Variants in CRY2 observed in about 807,000 individuals in gnomAD.
CRY2 encodes the protein cryptochrome circadian regulator 2.
A neutral mutation model predicts 69.5 loss-of-function variants in CRY2; 31 were observed. The observed-to-expected ratio is 0.45, with a 90% CI of 0.34 to 0.60. CRY2 has a LOEUF of 0.60. CRY2 is among the 20% of genes least tolerant of loss of function. The pLI, the probability that CRY2 is intolerant of heterozygous loss-of-function variation, is 0.02. For missense variants in CRY2, 606 were observed against 797.8 expected (o/e 0.76, Z 2.90); for synonymous variants, 303 against 312.2 (o/e 0.97, Z 0.31).
intron 11 of CRY2, among the ~76,000 whole-genome samples, chr11:45,875,893 A>G (rs907424069): frequency 1.4e-4 from 22 of 152,232 alleles, no homozygotes; most frequent in African/African-American, 5.3e-4. Context: ...TGTAAAATGC[A>G]CTATGCAAAT....
Position 45,882,920 on chromosome 11 carries a change from A to G in CRY2, c.*2009A>G, listed in dbSNP as rs1029621881. 2.1e-4 allele frequency: 82 copies of G among 393,214 alleles called. No individual in the cohort carries two copies. Among genetic ancestry groups the G allele is most frequent in the African/African-American group, 1.6e-3 (76 of 48,526 alleles). The allele number at this position is 393,214 out of a possible 1,614,324, so 24.4% of individuals were successfully genotyped here. On this transcript the variant is annotated 3_prime_UTR_variant, in exon 12 of 12. Transcript: ENST00000616080. The stretch of plus-strand genomic sequence containing the variant: ...CTCCGCCTACTTCTCCACCATCCCT[A>G]GCATGTCAGCCCGTTCCCAGATCAA...
Position 45,883,193 on chromosome 11 carries a change from A to G in CRY2, c.*2282A>G, listed in dbSNP as rs1043746. The G allele has an allele frequency of 6.4e-6, 1 of 155,606 alleles. No homozygotes were observed. The highest frequency in any genetic ancestry group is 1.4e-5 in the Non-Finnish European group (1 of 70,152). 9.6% of individuals were successfully genotyped at this position (155,606 alleles called of 1,614,324 possible). On this transcript the variant is annotated 3_prime_UTR_variant, in exon 12 of 12. Transcript: ENST00000616080. ...ATTGCTGGGAAGGTGTGTTTCTCCCACAATTTGTTTGTGAATATTCACTTG... is the reference window on the plus strand; with the variant it reads ...ATTGCTGGGAAGGTGTGTTTCTCCCGCAATTTGTTTGTGAATATTCACTTG...
rs908992630 is a variant in CRY2, at chr11:45,881,380, G to A, written c.*469G>A. On this transcript the variant is annotated 3_prime_UTR_variant, in exon 12 of 12. Coordinates refer to ENST00000616080, the MANE Select transcript of CRY2 (RefSeq NM_021117.5). ...GCATGGGATTCTGGAGGCAGCCAGA[G>A]CCCTGCTGAGTTCCTGCTTTCTGAC... The A allele has an allele frequency of 2.0e-5, 3 of 152,710 alleles. No homozygotes were observed. The highest frequency in any genetic ancestry group is 2.0e-4 in the Admixed American group (3 of 15,290). The allele number at this position is 152,710 out of a possible 1,614,324, so 9.5% of individuals were successfully genotyped here.
chr11:45,864,570 C>T (rs996964177), intron 5 of CRY2, among the ~76,000 whole-genome samples: 2 of 151,628 alleles, frequency 1.3e-5, no homozygotes, highest in African/African-American at 4.9e-5. Context: ...TGCACTCCTG[C>T]CTGGGTGACA....
At chr11:45,853,752 T>C (rs888438727) in intron 1 of CRY2, among the ~76,000 whole-genome samples, 5 of 152,256 alleles carry the variant, frequency 3.3e-5, no homozygotes, top group Non-Finnish European at 2.9e-5. Flanking sequence ...CATGGATTTC[T>C]CTTCTTTTCC....
At chr11:45,863,008 T>A (rs2086300463) in intron 5 of CRY2, among the ~76,000 whole-genome samples, 1 of 152,210 alleles carries the variant, frequency 6.6e-6, no homozygotes, top group Admixed American at 6.5e-5. Flanking sequence ...AGCAGCCAGA[T>A]GATGACGATA....
At chr11:45,848,688 G>A (rs1368040900) in intron 1 of CRY2, among the ~76,000 whole-genome samples, 18 of 152,250 alleles carry the variant, frequency 1.2e-4, no homozygotes, top group Admixed American at 1.2e-3. Flanking sequence ...AGAACACCTA[G>A]TGGCAGTCGC....
rs746929230 is a variant in CRY2 at position 45,869,751 on chromosome 11, C to T, written c.1128C>T (p.Ala376=). The T allele has an allele frequency of 3.1e-6, 5 of 1,613,736 alleles. No individual in the cohort carries two copies. In the East Asian group the frequency reaches 1.1e-4, roughly 36 times the overall value. The change falls in exon 7 of 12, where the codon GCC becomes GCT. Residue 376 remains alanine (A), a synonymous_variant. Transcript: ENST00000616080. ...AGGAGGGCTGGATCCACCACCTGGCCCGGCATGCCGTGGCCTGCTTCCTGA... is the reference window on the plus strand; with the variant it reads ...AGGAGGGCTGGATCCACCACCTGGCTCGGCATGCCGTGGCCTGCTTCCTGA... ...LRQEGWIHHL[A]RHAVACFLTR...
chr11:45,860,921 C>A lies in CRY2; in HGVS notation c.541C>A (p.Leu181Met), dbSNP rs1283589425. Residue 181 changes from leucine (L) to methionine (M), a missense_variant, in exon 4 of 12, where the codon CTG becomes ATG. Transcript: ENST00000616080. ...TCAGGCCATCATCAGCCGCATGGAG[C>A]TGCCCAAGAAGCCAGTGGGCTTGGT... ...RFQAIISRME[L>M]PKKPVGLVTS... 1 of 1,614,168 alleles carries A rather than the reference C, an allele frequency of 6.2e-7. No homozygotes were observed. The highest frequency in any genetic ancestry group is 2.2e-5 in the East Asian group (1 of 44,878).
At chr11:45,857,258 C>T (rs1358787795) in intron 2 of CRY2, among the ~76,000 whole-genome samples, 1 of 152,182 alleles carries the variant, frequency 6.6e-6, no homozygotes, top group Non-Finnish European at 1.5e-5. Flanking sequence ...CTGAGTTCTT[C>T]CTCACAGCAG....
intron 3 of CRY2, among the ~76,000 whole-genome samples, chr11:45,859,419 A>C (rs1281819981): frequency 6.6e-6 from 1 of 152,072 alleles, no homozygotes; most frequent in Non-Finnish European, 1.5e-5. Flanking sequence ...TATATTAGCC[A>C]TGCATGGTGG....
intron 2 of CRY2, chr11:45,858,332 T>C (rs2086259637): frequency 5.6e-6 from 1 of 180,032 alleles, no homozygotes; most frequent in African/African-American, 2.4e-5. Context: ...TGTGAGGAGC[T>C]CTGGGAAAAG....
intron 1 of CRY2, among the ~76,000 whole-genome samples, chr11:45,848,159 C>T (rs1372572150): frequency 6.6e-6 from 1 of 152,176 alleles, no homozygotes; most frequent in Admixed American, 6.5e-5. Context: ...TCGGGGAGAT[C>T]ACTCCGAAGC....
At chr11:45,860,572 G>A (rs776933676) in intron 3 of CRY2, among the ~76,000 whole-genome samples, 22 of 152,020 alleles carry the variant, frequency 1.4e-4, no homozygotes, top group Non-Finnish European at 2.8e-4. Context: ...GCGGCTCTGC[G>A]TCAACACCAG....
intron 10 of CRY2, 51 bp from the exon 11 acceptor site, chr11:45,872,041 A>G (rs375529674): frequency 1.2e-6 from 2 of 1,603,828 alleles, no homozygotes. Flanking sequence ...GTGTGGGATC[A>G]TTTTGGCTGC....
At chr11:45,872,625 G>A (rs1590771836) in intron 11 of CRY2, among the ~76,000 whole-genome samples, 1 of 152,244 alleles carries the variant, frequency 6.6e-6, no homozygotes, top group Admixed American at 6.5e-5. Flanking sequence ...GGGACTGCAT[G>A]ACTTTTAGGA....
In CRY2 at chr11:45,867,677, C is replaced by A; in HGVS notation, c.807C>A (p.Gly269=). ...ACTCCCTCCTGGCCAGCCCCACAGGCCTCAGCCCCTACCTGCGCTTTGGTT... is the reference window on the plus strand; with the variant it reads ...ACTCCCTCCTGGCCAGCCCCACAGGACTCAGCCCCTACCTGCGCTTTGGTT... ...NANSLLASPT[G]LSPYLRFGCL... Residue 269 remains glycine (G), a synonymous_variant, in exon 6 of 12, where the codon GGC becomes GGA. Coordinates refer to ENST00000616080, the MANE Select transcript of CRY2 (RefSeq NM_021117.5). 4 of 1,614,258 alleles carry A rather than the reference C, an allele frequency of 2.5e-6. No individual in the cohort carries two copies. Among genetic ancestry groups the A allele is most frequent in the Non-Finnish European group, 3.4e-6 (4 of 1,180,050 alleles).
chr11:45,862,752 G>A (rs76859095), intron 5 of CRY2, among the ~76,000 whole-genome samples: 3,762 of 152,222 alleles, frequency 0.025, 153 homozygotes, highest in African/African-American at 0.085. Context: ...CTCTTTCAGC[G>A]TGTTGATTTC....
intron 1 of CRY2, among the ~76,000 whole-genome samples, chr11:45,854,966 G>A (rs543829371): frequency 3.3e-5 from 5 of 152,320 alleles, no homozygotes; most frequent in African/African-American, 1.2e-4. Flanking sequence ...GAGTGAGGGA[G>A]GGGAAAACCC....
Sources: gnomAD v4.1 joint callset for allele counts (sites outside exome capture counted in the v4.1 genomes callset) on GRCh38, gnomAD v4.1.1 for gene constraint, MANE v1.5 for transcripts, NCBI Gene and HGNC (gene_info 2026-07-23, HGNC 2026-07-21) for gene names.